FLRT1: variants seen among roughly 807,000 people sequenced by gnomAD.
The protein encoded by FLRT1 is fibronectin leucine rich transmembrane protein 1, also known as leucine-rich repeat transmembrane protein FLRT1.
Under a neutral mutation model 30.9 loss-of-function variants are expected in FLRT1, and 14 were observed. The observed-to-expected ratio is 0.45, with a 90% CI of 0.30 to 0.71. The LOEUF (loss-of-function observed/expected upper bound fraction) is 0.71, where lower values mean the gene tolerates loss of function less well. Ranked by LOEUF, FLRT1 falls within the 30% of genes least tolerant of loss-of-function variation. The pLI is 0.08. For synonymous variants in FLRT1, 368 were observed against 430.4 expected (o/e 0.85, Z 1.80); for missense variants, 737 against 949.2 (o/e 0.78, Z 2.94).
intron 2 of FLRT1, among the ~76,000 whole-genome samples, chr11:64,112,427 T>C (rs1260383218): frequency 6.6e-6 from 1 of 152,056 alleles, no homozygotes; most frequent in Non-Finnish European, 1.5e-5. Context: ...AGCAGGAGGA[T>C]CTCTTGAACC....
rs1484474618 is a variant in FLRT1, at chr11:64,095,163, G to A, written c.-1037-8031G>A. ...GGGGAAGGAACGACATTCCACTCTC[G>A]TGTGAGGTGTGGGCTGGCTTGCTTG... On this transcript the variant is annotated intron_variant, in intron 1 of 2. Coordinates refer to ENST00000682287, the MANE Select transcript of FLRT1 (RefSeq NM_013280.5). Among the ~76,000 whole-genome samples the A allele has an allele frequency of 3.9e-5, 6 of 152,238 alleles. No homozygotes were observed. The East Asian group carries it at 1.2e-3, about 29-fold the overall frequency.
rs1368541816 is a variant in FLRT1 at position 64,096,901 on chromosome 11, C to G, written c.-1037-6293C>G. The stretch of plus-strand genomic sequence containing the variant: ...GAGCTGAGAGCCGATGCCTGTCCCT[C>G]CGTGAGCTGGGTGCGAGTGGCCCTT... On this transcript the variant is annotated intron_variant, in intron 1 of 2. Coordinates refer to ENST00000682287, the MANE Select transcript of FLRT1 (RefSeq NM_013280.5). This position sits in a 1 kb window ranked among gnomAD's most constrained non-coding sequence, Gnocchi z 4.6. Among the ~76,000 whole-genome samples the G allele has an allele frequency of 6.6e-6, 1 of 152,238 alleles. No individual in the cohort carries two copies. Among genetic ancestry groups the G allele is most frequent in the Non-Finnish European group, 1.5e-5 (1 of 68,042 alleles).
intron 1 of FLRT1, among the ~76,000 whole-genome samples, chr11:64,091,618 C>T (rs1439470639): frequency 6.6e-6 from 1 of 152,124 alleles, no homozygotes; most frequent in African/African-American, 2.4e-5. Flanking sequence ...AGGACGTTGC[C>T]GCCACCATCC....
chr11:64,066,364 G>A (rs1565216913), intron 1 of FLRT1, among the ~76,000 whole-genome samples: 1 of 150,134 alleles, frequency 6.7e-6, no homozygotes, highest in Non-Finnish European at 1.5e-5. Context: ...TGTAGTCCCA[G>A]CACTTTAGGA....
intron 1 of FLRT1, among the ~76,000 whole-genome samples, chr11:64,042,505 C>T (rs79575617): frequency 0.05 from 7,607 of 152,262 alleles, 261 homozygotes; most frequent in South Asian, 0.15. Context: ...AGCCCTGCAG[C>T]GTAACCTTTG....
Position 64,036,810 on chromosome 11 carries a change from C to G in FLRT1, c.-1038+651C>G, listed in dbSNP as rs1425824451. 2.6e-5 allele frequency among the ~76,000 whole-genome samples: 4 copies of G among 152,170 alleles called. No homozygotes were observed. Among genetic ancestry groups the G allele is most frequent in the Non-Finnish European group, 5.9e-5 (4 of 68,016 alleles). On this transcript the variant is annotated intron_variant, in intron 1 of 2. Coordinates refer to ENST00000682287, the MANE Select transcript of FLRT1 (RefSeq NM_013280.5). This position sits in a 1 kb window ranked among gnomAD's most constrained non-coding sequence, Gnocchi z 5.6. Reference sequence around the variant, plus strand: ...TGGTGCCTGGGCGGGGGGCGGCGGGCACCCCCCATCCCCCAGCTCTCAAGA... The same window carrying G: ...TGGTGCCTGGGCGGGGGGCGGCGGGGACCCCCCATCCCCCAGCTCTCAAGA...
At chr11:64,059,843 C>T (rs1264578284) in intron 1 of FLRT1, among the ~76,000 whole-genome samples, 2 of 152,156 alleles carry the variant, frequency 1.3e-5, no homozygotes, top group African/African-American at 4.8e-5. Flanking sequence ...CGCCCCTAGG[C>T]GCTGATTGGT....
chr11:64,047,935 G>A (rs1464911661), intron 1 of FLRT1, among the ~76,000 whole-genome samples: 2 of 151,072 alleles, frequency 1.3e-5, no homozygotes, highest in Non-Finnish European at 3.0e-5. Flanking sequence ...CAGGAAAGCA[G>A]AGCCCCAGCC....
Position 64,035,944 on chromosome 11 carries a change from G to A in FLRT1, c.-1253G>A, listed in dbSNP as rs554833885. 1 of 147,080 alleles carries A rather than the reference G, an allele frequency of 6.8e-6. No individual in the cohort carries two copies. The highest frequency in any genetic ancestry group is 2.5e-5 in the African/African-American group (1 of 40,508). The allele number at this position is 147,080 out of a possible 1,614,324, so 9.1% of individuals were successfully genotyped here. A position where few individuals can be genotyped will look rare whatever the true frequency, so the allele number is the denominator to read the frequency against. On this transcript the variant is annotated 5_prime_UTR_variant, in exon 1 of 3. Coordinates refer to ENST00000682287, the MANE Select transcript of FLRT1 (RefSeq NM_013280.5). Reference sequence around the variant, plus strand: ...GACGCACCCCCCGCACTCCTCCCGCGGCTCCGCCGGGCGCCCGAGCCGGGC... The same window carrying A: ...GACGCACCCCCCGCACTCCTCCCGCAGCTCCGCCGGGCGCCCGAGCCGGGC...
chr11:64,083,911 G>A (rs564858965), intron 1 of FLRT1, among the ~76,000 whole-genome samples: 11 of 152,344 alleles, frequency 7.2e-5, no homozygotes, highest in African/African-American at 2.2e-4. Context: ...GCGTGCGGCC[G>A]GCCCCGTGGG....
chr11:64,108,160 A>G (rs1944796537), intron 2 of FLRT1, among the ~76,000 whole-genome samples: 1 of 152,084 alleles, frequency 6.6e-6, no homozygotes, highest in Admixed American at 6.6e-5. Flanking sequence ...CTAAAAATAC[A>G]AAATTAGTGG....
At chr11:64,066,699 CAAGGTGGGAA>C (rs1944012633) in intron 1 of FLRT1, among the ~76,000 whole-genome samples, 2 of 151,996 alleles carry the variant, frequency 1.3e-5, no homozygotes, top group African/African-American at 4.8e-5. Flanking sequence ...TGTCTGCCTG[CAAGGTGGGAA>C]TACGATGAGA....
intron 1 of FLRT1, among the ~76,000 whole-genome samples, chr11:64,047,840 T>C: frequency 6.9e-6 from 1 of 145,012 alleles, no homozygotes; most frequent in East Asian, 2.0e-4. Flanking sequence ...GAGGTTGCAG[T>C]GAGCTGAGAT....
chr11:64,089,594 C>G (rs1338180380), intron 1 of FLRT1, among the ~76,000 whole-genome samples: 1 of 152,226 alleles, frequency 6.6e-6, no homozygotes, highest in South Asian at 2.1e-4. Context: ...CGGCTGAAAA[C>G]TTGGGGAGAC....
intron 2 of FLRT1, among the ~76,000 whole-genome samples, chr11:64,105,989 A>G (rs1218157214): frequency 6.6e-6 from 1 of 151,100 alleles, no homozygotes; most frequent in African/African-American, 2.4e-5. Context: ...GCGGGAGGGG[A>G]AAAGGCCCTC....
intron 1 of FLRT1, among the ~76,000 whole-genome samples, chr11:64,061,504 C>T (rs1463362634): frequency 6.6e-6 from 1 of 152,158 alleles, no homozygotes; most frequent in Non-Finnish European, 1.5e-5. Context: ...CCAGGCAGCT[C>T]CTCCCCGGCT....
intron 2 of FLRT1, among the ~76,000 whole-genome samples, chr11:64,113,249 A>C (rs544438504): frequency 6.6e-6 from 1 of 152,364 alleles, no homozygotes; most frequent in South Asian, 2.1e-4. Context: ...AGTTCTCAGC[A>C]AAGCCTTTAT....
intron 1 of FLRT1, among the ~76,000 whole-genome samples, chr11:64,072,358 C>T (rs1944125481): frequency 2.0e-5 from 3 of 151,896 alleles, no homozygotes; most frequent in Non-Finnish European, 4.4e-5. Context: ...TGGCAGAGGC[C>T]GTGGAAGCCA....
At chr11:64,110,961 G>C (rs1590923304) in intron 2 of FLRT1, among the ~76,000 whole-genome samples, 1 of 152,190 alleles carries the variant, frequency 6.6e-6, no homozygotes, top group Non-Finnish European at 1.5e-5. Context: ...CTTGGGGAGG[G>C]GGGCGGCAGG....
Sources: allele counts gnomAD v4.1 joint callset (sites outside exome capture counted in the v4.1 genomes callset), GRCh38; gene constraint gnomAD v4.1.1; non-coding constraint Gnocchi (gnomAD v3.1); transcripts MANE v1.5; gene names NCBI Gene and HGNC (gene_info 2026-07-23, HGNC 2026-07-21).